Variants in ZFAT observed in about 807,000 individuals in gnomAD.
ZFAT encodes the protein zinc finger and AT-hook domain containing.
In ZFAT, 64 loss-of-function variants were observed where a neutral mutation model predicts 117.7. The observed-to-expected ratio is 0.54, with a 90% CI of 0.44 to 0.67. The LOEUF is 0.67. ZFAT is among the 30% of genes least tolerant of loss of function. The pLI, the probability that ZFAT is intolerant of heterozygous loss-of-function variation, is 0.00. For synonymous variants in ZFAT, 679 were observed against 615.0 expected (o/e 1.10, Z -1.54); for missense variants, 1,433 against 1,584.5 (o/e 0.90, Z 1.62).
the ZFAT span, among the ~76,000 whole-genome samples, chr8:134,812,946 A>G: frequency 6.6e-6 from 1 of 152,216 alleles, no homozygotes; most frequent in Non-Finnish European, 1.5e-5. Flanking sequence ...CAGAGTCACA[A>G]GAGCATTGGT....
chr8:134,799,087 GCT>G, the ZFAT span, among the ~76,000 whole-genome samples: 147 of 152,152 alleles, frequency 9.7e-4, no homozygotes, highest in African/African-American at 3.3e-3. Context: ...GAATAAAACA[GCT>G]CTCTCGTAAT....
chr8:134,554,907 T>A (rs963350288), intron 11 of ZFAT, among the ~76,000 whole-genome samples: 1 of 152,040 alleles, frequency 6.6e-6, no homozygotes, highest in Non-Finnish European at 1.5e-5. Flanking sequence ...AACCCTAGAG[T>A]TGTTCAGAGC....
intron 1 of ZFAT, among the ~76,000 whole-genome samples, chr8:134,661,232 C>CA (rs1251608994): frequency 1.3e-5 from 2 of 152,176 alleles, no homozygotes; most frequent in Non-Finnish European, 2.9e-5. Flanking sequence ...AGGAAACACA[C>CA]AGAGTGTCGT....
At position 134,590,651 on chromosome 8, in the gene ZFAT, A is replaced by AG. The variant is rs1196909791; in HGVS notation, c.2476-297_2476-296insC. 2.1e-5 allele frequency among the ~76,000 whole-genome samples: 2 copies of AG among 96,582 alleles called. 1 individual carries two copies. The highest frequency in any genetic ancestry group is 1.7e-3 in the East Asian group (2 of 1,208). The allele number at this position is 96,582 out of a possible 152,430, so 63.4% of individuals were successfully genotyped here. On this transcript the variant is annotated intron_variant, in intron 7 of 15. Coordinates refer to ENST00000377838, the MANE Select transcript of ZFAT (RefSeq NM_020863.4). Reference sequence around the variant, plus strand: ...AGCACTATCAATAGTCATCACCACCACCACCACCAACACCACCACAACCAA... The same window carrying AG: ...AGCACTATCAATAGTCATCACCACCAGCCACCACCAACACCACCACAACCAA...
At chr8:134,616,121 A>T (rs1000701770) in intron 3 of ZFAT, among the ~76,000 whole-genome samples, 2 of 152,074 alleles carry the variant, frequency 1.3e-5, no homozygotes, top group African/African-American at 2.4e-5. Context: ...CATGGAGAGA[A>T]ATATCAGGTT....
chr8:134,593,724 A>G (rs962466935), intron 7 of ZFAT, among the ~76,000 whole-genome samples: 1 of 152,120 alleles, frequency 6.6e-6, no homozygotes, highest in Non-Finnish European at 1.5e-5. Context: ...AGTGCTTTAA[A>G]AAACAAAGGT....
At chr8:134,738,736 G>A in the ZFAT span, among the ~76,000 whole-genome samples, 1 of 152,148 alleles carries the variant, frequency 6.6e-6, no homozygotes, top group Non-Finnish European at 1.5e-5. Context: ...CGAGGAGGGG[G>A]AGGTAACTAG....
chr8:134,625,213 T>C (rs1829418279), intron 3 of ZFAT, among the ~76,000 whole-genome samples: 2 of 152,268 alleles, frequency 1.3e-5, no homozygotes, highest in South Asian at 2.1e-4. Context: ...GCATGTGCTC[T>C]TCCCAATAAA....
the ZFAT span, among the ~76,000 whole-genome samples, chr8:134,750,877 G>C: frequency 6.6e-6 from 1 of 152,194 alleles, no homozygotes; most frequent in Non-Finnish European, 1.5e-5. Context: ...AAGATTTGCT[G>C]ATAATTTTAT....
intron 3 of ZFAT, among the ~76,000 whole-genome samples, chr8:134,627,118 C>T (rs1193417939): frequency 6.6e-6 from 1 of 152,172 alleles, no homozygotes; most frequent in African/African-American, 2.4e-5. Context: ...CCATGTCCAG[C>T]AAGAGCAGGG....
chr8:134,767,557 C>T, the ZFAT span, among the ~76,000 whole-genome samples: 3 of 152,156 alleles, frequency 2.0e-5, no homozygotes, highest in Non-Finnish European at 2.9e-5. Context: ...ACATAACTGG[C>T]CAGGCTCAGT....
chr8:134,757,545 G>A, the ZFAT span, among the ~76,000 whole-genome samples: 13 of 152,132 alleles, frequency 8.5e-5, no homozygotes, highest in Non-Finnish European at 1.6e-4. Flanking sequence ...GCAATGTCCC[G>A]CTGTCACTGG....
At chr8:134,489,450 C>A (rs902802795) in intron 15 of ZFAT, among the ~76,000 whole-genome samples, 2 of 152,166 alleles carry the variant, frequency 1.3e-5, no homozygotes, top group African/African-American at 4.8e-5. Context: ...GCTCAGTCTG[C>A]ACCTTGCTCG....
intron 10 of ZFAT, among the ~76,000 whole-genome samples, chr8:134,575,611 A>G (rs940784521): frequency 6.6e-6 from 1 of 152,164 alleles, no homozygotes; most frequent in Non-Finnish European, 1.5e-5. Flanking sequence ...TCACGGGGAA[A>G]CATGTAACTT....
intron 1 of ZFAT, among the ~76,000 whole-genome samples, chr8:134,674,489 C>G (rs926247173): frequency 3.9e-5 from 6 of 152,210 alleles, no homozygotes; most frequent in Non-Finnish European, 5.9e-5. Flanking sequence ...CCAGGAAGTT[C>G]GAACTGCATG....
the ZFAT span, among the ~76,000 whole-genome samples, chr8:134,803,020 G>C: frequency 2.6e-5 from 4 of 152,188 alleles, no homozygotes; most frequent in Non-Finnish European, 5.9e-5. Flanking sequence ...AATTAAAACT[G>C]ACATCGTCTT....
the ZFAT span, among the ~76,000 whole-genome samples, chr8:134,812,830 A>AT: frequency 6.6e-6 from 1 of 152,222 alleles, no homozygotes; most frequent in African/African-American, 2.4e-5. Context: ...TAAGTGTTTT[A>AT]TATATATTAA....
intron 2 of ZFAT, among the ~76,000 whole-genome samples, chr8:134,648,587 A>G (rs893185676): frequency 6.6e-6 from 1 of 152,130 alleles, no homozygotes; most frequent in Non-Finnish European, 1.5e-5. Flanking sequence ...CCCTAGAAAG[A>G]CAAACTACTG....
chr8:134,494,442 T>C (rs977240985), intron 15 of ZFAT, among the ~76,000 whole-genome samples: 2 of 152,182 alleles, frequency 1.3e-5, no homozygotes, highest in Non-Finnish European at 2.9e-5. Context: ...TCGAGGACAC[T>C]GTCTCGGTGC....
Sources: allele counts gnomAD v4.1 joint callset (sites outside exome capture counted in the v4.1 genomes callset), GRCh38; gene constraint gnomAD v4.1.1; transcripts MANE v1.5; gene names NCBI Gene and HGNC (gene_info 2026-07-23, HGNC 2026-07-21).